The following NHS variants were observed in gnomAD, a reference collection of about 807,000 sequenced individuals.
NHS encodes the protein actin remodeling regulator NHS.
In NHS, 5 loss-of-function variants were observed where a neutral mutation model predicts 72.5. That is an observed-to-expected ratio of 0.07 (90% CI 0.04 to 0.14). The LOEUF (loss-of-function observed/expected upper bound fraction) is 0.14. NHS is among the 10% of genes least tolerant of loss of function. The pLI is 1.00. For synonymous variants in NHS, 464 were observed against 547.7 expected, an observed-to-expected ratio of 0.85 and a Z score of 2.13; for missense variants, 1,072 against 1,355.7, an observed-to-expected ratio of 0.79 and a Z score of 3.29.
chrX:17,661,302 C>T (rs1400425996), intron 1 of NHS, among the ~76,000 whole-genome samples: 3 of 110,864 alleles, frequency 2.7e-5, no homozygotes, highest in African/African-American at 6.6e-5. Context: ...ATGTGCAGAA[C>T]GTGCAGGTTT....
At chrX:17,728,457 T>C in intron 7 of NHS, 129 bp downstream of exon 7, 4 of 860,682 alleles carry the variant, frequency 4.6e-6, no homozygotes, top group Middle Eastern at 3.6e-4. Context: ...TTTGCACTTA[T>C]TAAAACAATT....
At chrX:17,443,159 A>G (rs898737085) in intron 1 of NHS, among the ~76,000 whole-genome samples, 5 of 112,188 alleles carry the variant, frequency 4.5e-5, no homozygotes, top group Admixed American at 9.4e-5. Context: ...CAGTTTTCTC[A>G]TGTGTAAGAA....
intron 1 of NHS, among the ~76,000 whole-genome samples, chrX:17,524,025 C>T (rs971452816): frequency 1.9e-4 from 21 of 111,753 alleles, no homozygotes; most frequent in African/African-American, 6.5e-4. Context: ...ATTGACTACT[C>T]GGGGGTACAA....
chrX:17,528,112 C>T (rs1180204670), intron 1 of NHS, among the ~76,000 whole-genome samples: 1 of 111,867 alleles, frequency 8.9e-6, no homozygotes, highest in Admixed American at 9.4e-5. Context: ...TGATTCTTCC[C>T]TCACCCCCAG....
chrX:17,485,656 G>A (rs749934669), intron 1 of NHS, among the ~76,000 whole-genome samples: 2 of 111,419 alleles, frequency 1.8e-5, no homozygotes, highest in East Asian at 2.8e-4. Context: ...GTGGGGTTCC[G>A]GATGGACTGC....
chrX:17,517,234 G>C (rs369624127), intron 1 of NHS, among the ~76,000 whole-genome samples: 15 of 112,259 alleles, frequency 1.3e-4, no homozygotes, highest in African/African-American at 4.5e-4. Flanking sequence ...CTAGCCATGT[G>C]ACCTTCATCC....
chrX:17,611,455 C>A (rs1194396633), intron 1 of NHS, among the ~76,000 whole-genome samples: 1 of 111,828 alleles, frequency 8.9e-6, no homozygotes, highest in Non-Finnish European at 1.9e-5. Flanking sequence ...TAGCCCTCCC[C>A]CTACGGAAAC....
intron 1 of NHS, among the ~76,000 whole-genome samples, chrX:17,657,104 G>A (rs1036568211): frequency 5.3e-5 from 6 of 112,673 alleles, no homozygotes; most frequent in African/African-American, 1.9e-4. Context: ...GTCCCCTGGG[G>A]TCACCATCTG....
Position 17,727,670 on chromosome X carries a change from A to G in NHS, c.3564A>G (p.Ser1188=). The G allele has an allele frequency of 2.5e-6, 3 of 1,211,969 alleles. No homozygotes were observed. The highest frequency in any genetic ancestry group is 3.5e-5 in the African/African-American group (2 of 57,878). The change falls in exon 7 of 9, where the codon TCA becomes TCG. Residue 1188 remains serine (S), a synonymous_variant. Coordinates refer to ENST00000676302, the MANE Select transcript of NHS (RefSeq NM_001291867.2). ...SKIRPHTANK[S]VSRQYSTEDT... Reference sequence around the variant, plus strand: ...TTAGGCCGCATACAGCAAATAAATCAGTATCTCGTCAATACTCCACTGAAG... The same window carrying G: ...TTAGGCCGCATACAGCAAATAAATCGGTATCTCGTCAATACTCCACTGAAG...
At chrX:17,653,532 A>G (rs148396931) in intron 1 of NHS, among the ~76,000 whole-genome samples, 113 of 109,768 alleles carry the variant, frequency 1.0e-3, no homozygotes, top group African/African-American at 3.6e-3. Context: ...CAACCACCTC[A>G]TTATTGTAAA....
intron 1 of NHS, among the ~76,000 whole-genome samples, chrX:17,502,854 C>A (rs1210611399): frequency 3.6e-5 from 4 of 109,893 alleles, no homozygotes; most frequent in Non-Finnish European, 7.6e-5. Flanking sequence ...TGCTTTAGAA[C>A]AAATTAAAGA....
chrX:17,664,964 T>C (rs1479544258), intron 1 of NHS, among the ~76,000 whole-genome samples: 1 of 111,234 alleles, frequency 9.0e-6, no homozygotes, highest in Non-Finnish European at 1.9e-5. Context: ...TTTGTGATGC[T>C]ATCATAAATG....
chrX:17,377,788 T>G (rs1311771882), intron 1 of NHS, among the ~76,000 whole-genome samples: 1 of 112,696 alleles, frequency 8.9e-6, no homozygotes, highest in African/African-American at 3.2e-5. Context: ...AGACCCGGAG[T>G]TGGGTTAATG....
chrX:17,700,377 T>G (rs903645231), intron 3 of NHS, among the ~76,000 whole-genome samples: 1 of 106,669 alleles, frequency 9.4e-6, no homozygotes, highest in Non-Finnish European at 1.9e-5. Context: ...TTGGGGAGGT[T>G]GAGGCTGCAG....
At chrX:17,569,939 T>G (rs7877658) in intron 1 of NHS, among the ~76,000 whole-genome samples, 3,067 of 112,099 alleles carry the variant, frequency 0.027, 88 homozygotes, top group Admixed American at 0.074. Context: ...ATTTCCCCAT[T>G]GCTTGTGTGT....
chrX:17,687,396 G>A (rs1048267580), intron 1 of NHS: 49 of 254,957 alleles, frequency 1.9e-4, no homozygotes, highest in African/African-American at 1.3e-3. Flanking sequence ...TCAGAAACAG[G>A]ACCCCCATCT....
rs2066506592 is a variant in NHS, at chrX:17,734,156, A to C, written c.*1692A>C. 8.9e-6 allele frequency: 1 copy of C among 111,967 alleles called. No homozygotes were observed. Among genetic ancestry groups the C allele is most frequent in the Admixed American group, 9.5e-5 (1 of 10,485 alleles). The allele number at this position is 111,967 out of a possible 1,213,427, so 9.2% of individuals were successfully genotyped here. ...GTGATTAGAGTGATAGAACATACCA[A>C]TGTTACCAAGAAATTGACAAGCTGC... On this transcript the variant is annotated 3_prime_UTR_variant, in exon 9 of 9. Transcript: ENST00000676302.
intron 1 of NHS, among the ~76,000 whole-genome samples, chrX:17,587,887 T>C (rs946334803): frequency 1.8e-5 from 2 of 112,523 alleles, no homozygotes; most frequent in Non-Finnish European, 3.8e-5. Flanking sequence ...GAATTAGATA[T>C]GAAGGATGTC....
At chrX:17,455,416 AT>A (rs1385342511) in intron 1 of NHS, among the ~76,000 whole-genome samples, 2 of 111,832 alleles carry the variant, frequency 1.8e-5, no homozygotes, top group African/African-American at 6.5e-5. Context: ...TCCATAGCTC[AT>A]TCCTATGCCA....
Sources: gnomAD v4.1 joint callset for allele counts (sites outside exome capture counted in the v4.1 genomes callset) on GRCh38, gnomAD v4.1.1 for gene constraint, MANE v1.5 for transcripts, NCBI Gene and HGNC (gene_info 2026-07-23, HGNC 2026-07-21) for gene names.